The following KCTD16 variants were observed in gnomAD, a reference collection of about 807,000 sequenced individuals.
KCTD16 encodes the protein BTB/POZ domain-containing protein KCTD16.
A neutral mutation model predicts 33.2 loss-of-function variants in KCTD16; 13 were observed. The observed-to-expected ratio is 0.39, with a 90% CI of 0.25 to 0.62. The LOEUF (loss-of-function observed/expected upper bound fraction) is 0.62. Ranked by LOEUF, KCTD16 falls within the 20% of genes least tolerant of loss-of-function variation. KCTD16 has a pLI of 0.50. For synonymous variants in KCTD16, 197 were observed against 195.3 expected (o/e 1.01, Z -0.07); for missense variants, 441 against 525.1 (o/e 0.84, Z 1.57).
intron 3 of KCTD16, among the ~76,000 whole-genome samples, chr5:144,243,567 C>G (rs953307852): frequency 2.0e-5 from 3 of 152,012 alleles, no homozygotes; most frequent in Non-Finnish European, 4.4e-5. Context: ...AAATCCCAGA[C>G]ATTTATTTGA....
At position 144,273,772 on chromosome 5, in the gene KCTD16, G is replaced by C. The variant is rs149838730; in HGVS notation, c.832+66226G>C. Among the ~76,000 whole-genome samples, 413 of 151,776 alleles carry C rather than the reference G, an allele frequency of 2.7e-3. 14 individuals are homozygous for C. Among genetic ancestry groups the C allele is most frequent in the Admixed American group, 0.024 (371 of 15,234 alleles). On this transcript the variant is annotated intron_variant, in intron 3 of 3. Coordinates refer to ENST00000512467, the MANE Select transcript of KCTD16 (RefSeq NM_020768.4). ...GTAGAATGGTTGTTGTCAGGGGCTG[G>C]GGGGAGGGGGAAATAGGGAGTTACT...
chr5:144,193,523 A>G (rs372605869), intron 2 of KCTD16, among the ~76,000 whole-genome samples: 39 of 151,874 alleles, frequency 2.6e-4, no homozygotes, highest in African/African-American at 9.2e-4. Flanking sequence ...CCCAAACAAG[A>G]TTTTTTAAAT....
intron 2 of KCTD16, among the ~76,000 whole-genome samples, chr5:144,194,586 T>G (rs1752906204): frequency 6.6e-6 from 1 of 152,226 alleles, no homozygotes; most frequent in African/African-American, 2.4e-5. Context: ...TAATAGCAAA[T>G]GATACATTTG....
chr5:144,466,983 TAACAC>T (rs1412866962), intron 3 of KCTD16, among the ~76,000 whole-genome samples: 1 of 128,520 alleles, frequency 7.8e-6, no homozygotes, highest in Non-Finnish European at 1.6e-5. Flanking sequence ...ATAATATATA[TAACAC>T]TATATATATT....
At chr5:144,261,651 A>G (rs1322672374) in intron 3 of KCTD16, among the ~76,000 whole-genome samples, 1 of 152,256 alleles carries the variant, frequency 6.6e-6, no homozygotes, top group Non-Finnish European at 1.5e-5. Context: ...AAATCTGGAA[A>G]TGGATATTCA....
intron 3 of KCTD16, among the ~76,000 whole-genome samples, chr5:144,332,317 G>A (rs1291595693): frequency 2.0e-5 from 3 of 152,260 alleles, no homozygotes; most frequent in Admixed American, 1.3e-4. Context: ...CAGGCAAGGC[G>A]CAGGGGGCCT....
At chr5:144,428,985 A>G (rs6871273) in intron 3 of KCTD16, among the ~76,000 whole-genome samples, 2,403 of 152,250 alleles carry the variant, frequency 0.016, 57 homozygotes, top group African/African-American at 0.053. Flanking sequence ...TCTTTTCAAG[A>G]TTGTGTGTTC....
chr5:144,299,145 TATA>T (rs1489101476), intron 3 of KCTD16, among the ~76,000 whole-genome samples: 185 of 17,146 alleles, frequency 0.011, 6 homozygotes, highest in Non-Finnish European at 0.014. Flanking sequence ...TATATATATA[TATA>T]TTTTTTTTTT....
At chr5:144,340,228 C>A (rs1419225825) in intron 3 of KCTD16, among the ~76,000 whole-genome samples, 1 of 151,712 alleles carries the variant, frequency 6.6e-6, no homozygotes, top group Non-Finnish European at 1.5e-5. Flanking sequence ...CAGTGAAACC[C>A]CGTCTCTACT....
intron 3 of KCTD16, among the ~76,000 whole-genome samples, chr5:144,416,420 G>C (rs907599405): frequency 1.3e-5 from 2 of 152,112 alleles, no homozygotes; most frequent in African/African-American, 4.8e-5. Flanking sequence ...TCATCATTCT[G>C]AGAGTTTCTG....
intron 3 of KCTD16, among the ~76,000 whole-genome samples, chr5:144,298,475 G>T (rs553870822): frequency 6.6e-5 from 10 of 152,308 alleles, no homozygotes; most frequent in Non-Finnish European, 7.3e-5. Context: ...AGGGATGCTG[G>T]TGGCTATTGG....
At chr5:144,267,434 A>G (rs553354618) in intron 3 of KCTD16, among the ~76,000 whole-genome samples, 1 of 152,296 alleles carries the variant, frequency 6.6e-6, no homozygotes, top group South Asian at 2.1e-4. Flanking sequence ...GGTTGTTCTT[A>G]ATTATCCTAA....
chr5:144,273,653 T>C (rs1322398068), intron 3 of KCTD16, among the ~76,000 whole-genome samples: 1 of 151,004 alleles, frequency 6.6e-6, no homozygotes, highest in Non-Finnish European at 1.5e-5. Flanking sequence ...AACATTCTAC[T>C]AAGTAAAATA....
intron 2 of KCTD16, among the ~76,000 whole-genome samples, chr5:144,195,384 G>C (rs1752921707): frequency 6.6e-6 from 1 of 152,132 alleles, no homozygotes; most frequent in Non-Finnish European, 1.5e-5. Context: ...CACCTCCTTG[G>C]GGGCATCTGA....
At chr5:144,181,916 A>C (rs749202331) in intron 2 of KCTD16, among the ~76,000 whole-genome samples, 1 of 152,082 alleles carries the variant, frequency 6.6e-6, no homozygotes, top group Non-Finnish European at 1.5e-5. Flanking sequence ...CAAGATGACA[A>C]AACCCCATCT....
At chr5:144,182,244 C>T (rs547624102) in intron 2 of KCTD16, among the ~76,000 whole-genome samples, 131 of 152,306 alleles carry the variant, frequency 8.6e-4, no homozygotes, top group African/African-American at 3.1e-3. Context: ...CCCCCTTCAC[C>T]TTCTGGCATG....
intron 3 of KCTD16, among the ~76,000 whole-genome samples, chr5:144,249,357 A>C (rs1402780659): frequency 6.6e-6 from 1 of 151,994 alleles, no homozygotes; most frequent in African/African-American, 2.4e-5. Flanking sequence ...AATTATCTCC[A>C]TATTACTTCT....
At chr5:144,426,329 A>G (rs953797793) in intron 3 of KCTD16, among the ~76,000 whole-genome samples, 1 of 152,134 alleles carries the variant, frequency 6.6e-6, no homozygotes, top group African/African-American at 2.4e-5. Context: ...GGATATTTCT[A>G]CTAGCATTCT....
At chr5:144,429,655 G>A (rs548208645) in intron 3 of KCTD16, among the ~76,000 whole-genome samples, 2 of 152,138 alleles carry the variant, frequency 1.3e-5, no homozygotes, top group East Asian at 3.9e-4. Context: ...TACCATGAGG[G>A]CCAAATGTTT....
Sources: allele counts gnomAD v4.1 joint callset (sites outside exome capture counted in the v4.1 genomes callset), GRCh38; gene constraint gnomAD v4.1.1; transcripts MANE v1.5; gene names NCBI Gene and HGNC (gene_info 2026-07-23, HGNC 2026-07-21).